Variants in RNF6 observed in about 807,000 individuals in gnomAD.
RNF6 encodes ring finger protein 6, also known as E3 ubiquitin-protein ligase RNF6.
In RNF6, 21 loss-of-function variants were observed where a neutral mutation model predicts 50.1. That is an observed-to-expected ratio of 0.42 (90% CI 0.30 to 0.60). RNF6 has a LOEUF of 0.60. Ranked by LOEUF, RNF6 falls within the 20% of genes least tolerant of loss-of-function variation. The pLI, the probability that RNF6 is intolerant of heterozygous loss-of-function variation, is 0.20. For synonymous variants in RNF6, 255 were observed against 291.8 expected (o/e 0.87, Z 1.29); for missense variants, 698 against 838.2 (o/e 0.83, Z 2.07).
At chr13:26,161,538 G>T (rs1267754548) in intron 5 of RNF6, among the ~76,000 whole-genome samples, 1 of 152,048 alleles carries the variant, frequency 6.6e-6, no homozygotes, top group Non-Finnish European at 1.5e-5. Flanking sequence ...TACACATATT[G>T]CTTTTTCCCC....
intron 4 of RNF6, among the ~76,000 whole-genome samples, chr13:26,217,787 G>C (rs144914051): frequency 2.1e-3 from 316 of 152,340 alleles, no homozygotes; most frequent in Non-Finnish European, 3.4e-3. Flanking sequence ...CATGTGGCTA[G>C]CAGCTACTGT....
rs777125886 is a variant in RNF6, at chr13:26,219,477, T to C, written c.173A>G (p.His58Arg). The C allele has an allele frequency of 3.0e-5, 48 of 1,610,966 alleles. No homozygotes were observed. The highest frequency in any genetic ancestry group is 1.6e-4 in the Middle Eastern group (1 of 6,066). The change falls in exon 3 of 5, where the codon CAT becomes CGT. Residue 58 changes from histidine to arginine, a missense_variant. By Grantham distance (29) the His-to-Arg change is conservative. Coordinates refer to ENST00000381588, the MANE Select transcript of RNF6 (RefSeq NM_005977.4). ...NDEDYRLMRD[H>R]NLLGTPGEIT... ...CTTACCAGGGGTGCCTAAAAGATTATGGTCTCTCATAAGCCGATAATCTTC... is the reference window on the plus strand; with the variant it reads ...CTTACCAGGGGTGCCTAAAAGATTACGGTCTCTCATAAGCCGATAATCTTC...
chr13:26,185,866 A>T (rs1382903856), intron 5 of RNF6, among the ~76,000 whole-genome samples: 1 of 152,184 alleles, frequency 6.6e-6, no homozygotes, highest in Non-Finnish European at 1.5e-5. Context: ...CAAAGGTCAC[A>T]CTTCTGGAAA....
intron 2 of RNF6, among the ~76,000 whole-genome samples, 183 bp downstream of exon 2, chr13:26,221,065 A>G (rs1870435025): frequency 1.3e-5 from 2 of 152,238 alleles, no homozygotes; most frequent in Admixed American, 6.5e-5. Flanking sequence ...TCTTCAGATT[A>G]AGACCATAAT....
rs1450555061 is a variant in RNF6, at chr13:26,214,787, G to A, written c.1095C>T (p.Thr365=). The change falls in exon 5 of 5, where the codon ACC becomes ACT. Residue 365 remains threonine, a synonymous_variant. Transcript: ENST00000381588. ...ACACAAGCCTTGAATTAGAGAATGG[G>A]GTATATGCAGTACCTCTGCGTTCTC... ...RERERRGTAY[T]PFSNSRLVSR... is the part of the protein sequence containing the mutation. 2.5e-6 allele frequency: 4 copies of A among 1,613,914 alleles called. No homozygotes were observed. Among genetic ancestry groups the A allele is most frequent in the Admixed American group, 1.7e-5 (1 of 59,974 alleles).
intron 5 of RNF6, among the ~76,000 whole-genome samples, chr13:26,195,716 A>C (rs1361984721): frequency 6.6e-6 from 1 of 152,218 alleles, no homozygotes; most frequent in Non-Finnish European, 1.5e-5. Flanking sequence ...CGAAACAAGT[A>C]TATCTGTCTC....
chr13:26,139,290 A>T (rs1469038279), intron 5 of RNF6, among the ~76,000 whole-genome samples: 1 of 152,166 alleles, frequency 6.6e-6, no homozygotes, highest in African/African-American at 2.4e-5. Flanking sequence ...TGGAATTATG[A>T]GGACTGACCA....
intron 5 of RNF6, among the ~76,000 whole-genome samples, chr13:26,204,770 A>G (rs1378489766): frequency 6.6e-6 from 1 of 152,194 alleles, no homozygotes; most frequent in Non-Finnish European, 1.5e-5. Context: ...TATTCATCTA[A>G]TTAAAAATGA....
intron 5 of RNF6, among the ~76,000 whole-genome samples, chr13:26,184,843 C>A (rs139836261): frequency 6.6e-6 from 1 of 152,188 alleles, no homozygotes; most frequent in Non-Finnish European, 1.5e-5. Flanking sequence ...TGGACTCCTG[C>A]AGAAGGCAGG....
At chr13:26,158,213 G>C (rs1872040884) in intron 5 of RNF6, among the ~76,000 whole-genome samples, 1 of 152,164 alleles carries the variant, frequency 6.6e-6, no homozygotes, top group Admixed American at 6.5e-5. Flanking sequence ...TGATGACACA[G>C]TTTCGATGGT....
chr13:26,147,408 T>A (rs1871306843), intron 5 of RNF6, among the ~76,000 whole-genome samples: 1 of 152,174 alleles, frequency 6.6e-6, no homozygotes, highest in Non-Finnish European at 1.5e-5. Flanking sequence ...GAATGTTAGG[T>A]TAATATTTTC....
At chr13:26,218,456 A>G in intron 4 of RNF6, 55 bp downstream of exon 4, 9 of 1,388,130 alleles carry the variant, frequency 6.5e-6, no homozygotes, top group South Asian at 1.2e-5. Context: ...TAAGAATTTC[A>G]TTTCTGCAAG....
chr13:26,190,770 A>G (rs554353066), intron 5 of RNF6, among the ~76,000 whole-genome samples: 1 of 152,368 alleles, frequency 6.6e-6, no homozygotes, highest in East Asian at 1.9e-4. Context: ...ATGATTAATC[A>G]GCCAGACAAG....
At chr13:26,185,702 T>C (rs149410736) in intron 5 of RNF6, among the ~76,000 whole-genome samples, 3,494 of 152,214 alleles carry the variant, frequency 0.023, 137 homozygotes, top group African/African-American at 0.08. Context: ...GCCGAGATCG[T>C]GCCACTGCAC....
In RNF6 at chr13:26,215,045, A is replaced by G. The variant is rs201622470; in HGVS notation, c.837T>C (p.His279=). 2.5e-4 allele frequency: 405 copies of G among 1,614,068 alleles called. No individual in the cohort carries two copies. The highest frequency in any genetic ancestry group is 3.3e-4 in the Non-Finnish European group (387 of 1,180,034). ...TACTTCTAGCCCCATTTTCCCAAAC[A>G]TGTGCTGCTCCAAACCGTTGCCCCT... ...QREGQRFGAA[H]VWENGARSNV... Residue 279 remains histidine (H), a synonymous_variant, in exon 5 of 5, where the codon CAT becomes CAC. Coordinates refer to ENST00000381588, the MANE Select transcript of RNF6 (RefSeq NM_005977.4).
chr13:26,183,727 G>T (rs569914859), intron 5 of RNF6, among the ~76,000 whole-genome samples: 37 of 151,796 alleles, frequency 2.4e-4, no homozygotes, highest in African/African-American at 8.7e-4. Context: ...TATACAATTC[G>T]CAGCTTAGCA....
chr13:26,149,581 C>T (rs1209077457), intron 5 of RNF6, among the ~76,000 whole-genome samples: 1 of 150,124 alleles, frequency 6.7e-6, no homozygotes, highest in Non-Finnish European at 1.5e-5. Context: ...GGTGAGACTC[C>T]GTCTAAAAAA....
At chr13:26,135,985 G>A (rs1566401948) in intron 5 of RNF6, among the ~76,000 whole-genome samples, 1 of 152,128 alleles carries the variant, frequency 6.6e-6, no homozygotes, top group Non-Finnish European at 1.5e-5. Context: ...GCAGCTGCTG[G>A]CACTATGTTT....
chr13:26,178,244 T>TTG, intron 5 of RNF6, among the ~76,000 whole-genome samples: 1 of 152,208 alleles, frequency 6.6e-6, no homozygotes, highest in Middle Eastern at 3.4e-3. Context: ...CAACAGAAAT[T>TTG]TGTTTCTCAC....
Sources: gnomAD v4.1 joint callset for allele counts (sites outside exome capture counted in the v4.1 genomes callset) on GRCh38, gnomAD v4.1.1 for gene constraint, MANE v1.5 for transcripts, NCBI Gene and HGNC (gene_info 2026-07-23, HGNC 2026-07-21) for gene names.